TLE1: variants seen among roughly 807,000 people sequenced by gnomAD.
The protein encoded by TLE1 is TLE family member 1, transcriptional corepressor.
Under a neutral mutation model 89.8 loss-of-function variants are expected in TLE1, and 21 were observed. The ratio of observed to expected loss-of-function variants is 0.23; its 90% confidence interval spans 0.17 to 0.34. The LOEUF (loss-of-function observed/expected upper bound fraction) is 0.34, where lower values mean the gene tolerates loss of function less well. TLE1 is among the 10% of genes least tolerant of loss of function. The pLI is 1.00. For synonymous variants in TLE1, 447 were observed against 407.6 expected, an observed-to-expected ratio of 1.10 and a Z score of -1.16; for missense variants, 795 against 1,031.2, an observed-to-expected ratio of 0.77 and a Z score of 3.14.
intron 6 of TLE1, among the ~76,000 whole-genome samples, chr9:81,646,128 T>A (rs901944797): frequency 2.6e-5 from 4 of 152,150 alleles, no homozygotes; most frequent in African/African-American, 7.2e-5. Context: ...TAAATTAAAA[T>A]TTTTTTAAAA....
rs1405395719 is a variant in TLE1, at chr9:81,689,456, A to C, written c.-1216T>G. ...GTCGGCTGCCTCCGGGACGCGGGGC[A>C]CAGAGTACCCGCCGCTGTTTCTGCT... is the stretch of plus-strand genomic sequence containing the variant. On this transcript the variant is annotated 5_prime_UTR_variant, in exon 1 of 20. Transcript: ENST00000376499. 6.6e-6 allele frequency among the ~76,000 whole-genome samples: 1 copy of C among 152,022 alleles called. No individual in the cohort carries two copies. Among genetic ancestry groups the C allele is most frequent in the Non-Finnish European group, 1.5e-5 (1 of 67,968 alleles).
At chr9:81,631,889 G>C (rs1453689349) in intron 8 of TLE1, among the ~76,000 whole-genome samples, 1 of 152,180 alleles carries the variant, frequency 6.6e-6, no homozygotes, top group Non-Finnish European at 1.5e-5. Flanking sequence ...GATCACCTGA[G>C]GTTGGGAGTT....
At chr9:81,667,407 A>C (rs937866869) in intron 4 of TLE1, among the ~76,000 whole-genome samples, 3 of 149,002 alleles carry the variant, frequency 2.0e-5, no homozygotes, top group Non-Finnish European at 3.0e-5. Context: ...AAAAAAAAAG[A>C]AGCAAAAATC....
At chr9:81,609,666 A>G (rs544152989) in intron 14 of TLE1, among the ~76,000 whole-genome samples, 1 of 152,252 alleles carries the variant, frequency 6.6e-6, no homozygotes, top group East Asian at 1.9e-4. Flanking sequence ...ATAATTCTAG[A>G]TCTCTTGGAG....
At chr9:81,662,044 T>C (rs1407142158) in intron 4 of TLE1, among the ~76,000 whole-genome samples, 1 of 152,168 alleles carries the variant, frequency 6.6e-6, no homozygotes, top group African/African-American at 2.4e-5. Flanking sequence ...CCTAAGGAAA[T>C]AGTTCAAATG....
At chr9:81,594,586 A>AC (rs1367972743) in intron 14 of TLE1, among the ~76,000 whole-genome samples, 1 of 152,104 alleles carries the variant, frequency 6.6e-6, no homozygotes, top group African/African-American at 2.4e-5. Context: ...GAAGACCACT[A>AC]CTTCCACTTT....
At chr9:81,677,678 G>A (rs1051780197) in intron 4 of TLE1, among the ~76,000 whole-genome samples, 2 of 151,844 alleles carry the variant, frequency 1.3e-5, no homozygotes, top group Non-Finnish European at 2.9e-5. Context: ...ACTTAGATCA[G>A]TCATGGTGCT....
At position 81,593,009 on chromosome 9, in the gene TLE1, G is replaced by C; in HGVS notation, c.1581+16C>G. 6.2e-7 allele frequency: 1 copy of C among 1,605,402 alleles called. No homozygotes were observed. The highest frequency in any genetic ancestry group is 1.1e-5 in the South Asian group (1 of 90,862). ...AGGGAGAAATTGCCCTTGTGCACCAGTTCCTGTTCACTCACCAGACAGTCG... is the reference window on the plus strand; with the variant it reads ...AGGGAGAAATTGCCCTTGTGCACCACTTCCTGTTCACTCACCAGACAGTCG... On this transcript the variant is annotated intron_variant, in intron 15 of 19. Transcript: ENST00000376499.
At chr9:81,606,312 A>T (rs1397203266) in intron 14 of TLE1, among the ~76,000 whole-genome samples, 4 of 152,262 alleles carry the variant, frequency 2.6e-5, no homozygotes, top group Non-Finnish European at 4.4e-5. Flanking sequence ...CTATAAAGAC[A>T]CATGCACACA....
intron 4 of TLE1, among the ~76,000 whole-genome samples, chr9:81,680,101 G>A (rs1238539630): frequency 4.6e-5 from 7 of 152,208 alleles, no homozygotes; most frequent in Non-Finnish European, 7.3e-5. Context: ...GGTTCTGCGG[G>A]TGTATGCTGG....
At chr9:81,655,209 C>T (rs1021385109) in intron 4 of TLE1, among the ~76,000 whole-genome samples, 1 of 151,810 alleles carries the variant, frequency 6.6e-6, no homozygotes, top group Non-Finnish European at 1.5e-5. Flanking sequence ...ACTCAAAATA[C>T]AAAAATTAGC....
At chr9:81,620,697 CTT>C in intron 8 of TLE1, 140 bp from the exon 9 acceptor site, 1 of 1,458,298 alleles carries the variant, frequency 6.9e-7, no homozygotes, top group African/African-American at 1.4e-5. Context: ...CATCTAAAGA[CTT>C]TGATGGCAAA....
chr9:81,617,830 C>A (rs868247134), intron 9 of TLE1, among the ~76,000 whole-genome samples: 16 of 152,290 alleles, frequency 1.1e-4, no homozygotes, highest in Non-Finnish European at 1.5e-4. Flanking sequence ...TCGAGACCAG[C>A]CTGGACAACA....
chr9:81,657,062 C>A (rs1249108609), intron 4 of TLE1, among the ~76,000 whole-genome samples: 2 of 152,196 alleles, frequency 1.3e-5, no homozygotes, highest in Admixed American at 1.3e-4. Context: ...AAAATGACCT[C>A]ATTTTTATTT....
chr9:81,687,632 G>A (rs533187432), intron 1 of TLE1, among the ~76,000 whole-genome samples, 198 bp from the exon 2 acceptor site: 2 of 152,266 alleles, frequency 1.3e-5, no homozygotes, highest in East Asian at 3.9e-4. Context: ...TTCTAAAGAG[G>A]CTCGGAAGCT....
At chr9:81,665,670 A>C (rs1419905395) in intron 4 of TLE1, among the ~76,000 whole-genome samples, 1 of 152,182 alleles carries the variant, frequency 6.6e-6, no homozygotes, top group East Asian at 1.9e-4. Flanking sequence ...GAGCAACTCA[A>C]GTGCCCTTAA....
At chr9:81,605,702 G>C (rs1315767008) in intron 14 of TLE1, among the ~76,000 whole-genome samples, 2 of 152,012 alleles carry the variant, frequency 1.3e-5, no homozygotes, top group African/African-American at 4.8e-5. Context: ...TCAGGACATA[G>C]GCATGGGCAA....
At chr9:81,619,337 C>T (rs1325466104) in intron 9 of TLE1, among the ~76,000 whole-genome samples, 1 of 152,172 alleles carries the variant, frequency 6.6e-6, no homozygotes, top group Non-Finnish European at 1.5e-5. Flanking sequence ...TAATCCAATA[C>T]TGGAGGTGGG....
chr9:81,688,348 G>A lies in TLE1; in HGVS notation c.-108C>T, dbSNP rs192561519. 0.028 allele frequency: 35,562 copies of A among 1,277,012 alleles called. 581 individuals are homozygous for A. The highest frequency in any genetic ancestry group is 0.032 in the Non-Finnish European group (30,719 of 971,094). 79.1% of individuals were successfully genotyped at this position (1,277,012 alleles called of 1,614,324 possible). On this transcript the variant is annotated 5_prime_UTR_variant, in exon 1 of 20. Coordinates refer to ENST00000376499, the MANE Select transcript of TLE1 (RefSeq NM_005077.5). ...TAAGCCGGAAAGCCAAGCAGAAGCG[G>A]GGAGCGCGCTGGCCACGCACGCGCG...
Sources: allele counts gnomAD v4.1 joint callset (sites outside exome capture counted in the v4.1 genomes callset), GRCh38; gene constraint gnomAD v4.1.1; transcripts MANE v1.5; gene names NCBI Gene and HGNC (gene_info 2026-07-23, HGNC 2026-07-21).